The following ST6GALNAC5 variants were observed in gnomAD, a reference collection of about 807,000 sequenced individuals.
The protein encoded by ST6GALNAC5 is alpha-N-acetylgalactosaminide alpha-2,6-sialyltransferase 5.
A neutral mutation model predicts 33.6 loss-of-function variants in ST6GALNAC5; 27 were observed. That is an observed-to-expected ratio of 0.80 (90% CI 0.59 to 1.11). ST6GALNAC5 has a LOEUF of 1.11. ST6GALNAC5 is among the 50% of genes least tolerant of loss of function. ST6GALNAC5 has a pLI of 0.00. For synonymous variants in ST6GALNAC5, 194 were observed against 171.2 expected (o/e 1.13, Z -1.04); for missense variants, 428 against 454.0 (o/e 0.94, Z 0.52).
At chr1:76,991,832 C>CGT (rs1246724117) in intron 2 of ST6GALNAC5, among the ~76,000 whole-genome samples, 3 of 124,240 alleles carry the variant, frequency 2.4e-5, no homozygotes, top group South Asian at 2.6e-4. Flanking sequence ...CTAACTCACG[C>CGT]GTGTGCGCAC....
At chr1:76,881,159 T>C (rs1653769413) in intron 2 of ST6GALNAC5, among the ~76,000 whole-genome samples, 1 of 152,150 alleles carries the variant, frequency 6.6e-6, no homozygotes, top group Admixed American at 6.5e-5. Flanking sequence ...ATCCCAGAAC[T>C]TGATCCAACG....
chr1:76,972,225 C>A lies in ST6GALNAC5; in HGVS notation c.262-71979C>A, dbSNP rs1043926264. ...CAAGAAGAGAGCGTGTGCAGGGGAA[C>A]TCCCCTTTAAAACCATCAGCTCTTG... On this transcript the variant is annotated intron_variant, in intron 2 of 4. Coordinates refer to ENST00000477717, the MANE Select transcript of ST6GALNAC5 (RefSeq NM_030965.3). Among the ~76,000 whole-genome samples, 6 of 152,242 alleles carry A rather than the reference C, an allele frequency of 3.9e-5. No homozygotes were observed. In the East Asian group the frequency reaches 9.7e-4, roughly 25 times the overall value.
At chr1:76,948,330 C>T (rs1647603694) in intron 2 of ST6GALNAC5, among the ~76,000 whole-genome samples, 1 of 152,120 alleles carries the variant, frequency 6.6e-6, no homozygotes. Flanking sequence ...GGGAGACCTT[C>T]TAGCTCCCTT....
chr1:77,012,152 AG>A (rs1316705066), intron 2 of ST6GALNAC5, among the ~76,000 whole-genome samples: 1 of 152,226 alleles, frequency 6.6e-6, no homozygotes, highest in Non-Finnish European at 1.5e-5. Flanking sequence ...TTGCATCACT[AG>A]GAAACAGAGA....
At position 77,038,445 on chromosome 1, in the gene ST6GALNAC5, G is replaced by A. The variant is rs1651728788; in HGVS notation, c.262-5759G>A. On this transcript the variant is annotated intron_variant, in intron 2 of 4. Coordinates refer to ENST00000477717, the MANE Select transcript of ST6GALNAC5 (RefSeq NM_030965.3). ...CCTGAAGCCATTTAATATGTCTTAT[G>A]TTTGCTCCAGACTAACAGGCAGCTC... is the stretch of plus-strand genomic sequence containing the variant. Among the ~76,000 whole-genome samples, 3 of 152,210 alleles carry A rather than the reference G, an allele frequency of 2.0e-5. No homozygotes were observed. The South Asian group carries it at 6.2e-4, about 31-fold the overall frequency.
At chr1:76,882,801 C>G (rs552291742) in intron 2 of ST6GALNAC5, among the ~76,000 whole-genome samples, 67 of 152,072 alleles carry the variant, frequency 4.4e-4, no homozygotes, top group Non-Finnish European at 9.0e-4. Context: ...TTCCCATTGC[C>G]TACAGGATCA....
chr1:76,931,639 A>C (rs1274359722), intron 2 of ST6GALNAC5, among the ~76,000 whole-genome samples: 1 of 152,166 alleles, frequency 6.6e-6, no homozygotes, highest in Non-Finnish European at 1.5e-5. Flanking sequence ...TTAGGTTGGC[A>C]GACAATGATT....
chr1:76,992,503 T>TTTA (rs1649777230), intron 2 of ST6GALNAC5, among the ~76,000 whole-genome samples: 3 of 67,270 alleles, frequency 4.5e-5, no homozygotes, highest in Admixed American at 1.3e-4. Context: ...AATTTAATTT[T>TTTA]ATTTTATTTG....
intron 2 of ST6GALNAC5, among the ~76,000 whole-genome samples, chr1:77,017,883 G>A (rs906250413): frequency 6.6e-6 from 1 of 152,146 alleles, no homozygotes; most frequent in South Asian, 2.1e-4. Flanking sequence ...AACACTACAC[G>A]TGGGATGAGA....
intron 2 of ST6GALNAC5, among the ~76,000 whole-genome samples, chr1:76,943,695 G>A (rs1309910161): frequency 6.6e-6 from 1 of 152,042 alleles, no homozygotes; most frequent in Non-Finnish European, 1.5e-5. Flanking sequence ...TAGGAATGAA[G>A]CTATCTAATT....
At chr1:76,976,116 A>G (rs773594146) in intron 2 of ST6GALNAC5, among the ~76,000 whole-genome samples, 11 of 152,124 alleles carry the variant, frequency 7.2e-5, no homozygotes, top group Non-Finnish European at 1.5e-4. Context: ...AATTAAAATA[A>G]AAAAATTAAA....
At chr1:76,960,153 C>T (rs1477603744) in intron 2 of ST6GALNAC5, among the ~76,000 whole-genome samples, 2 of 152,072 alleles carry the variant, frequency 1.3e-5, no homozygotes, top group African/African-American at 4.8e-5. Context: ...CGATATTTCA[C>T]GTAGTTTCTT....
intron 2 of ST6GALNAC5, among the ~76,000 whole-genome samples, chr1:77,041,770 T>C (rs935902336): frequency 6.6e-5 from 10 of 152,228 alleles, no homozygotes; most frequent in African/African-American, 2.4e-4. Flanking sequence ...CTTAATGTTC[T>C]AGTTAGATGA....
intron 2 of ST6GALNAC5, among the ~76,000 whole-genome samples, chr1:76,897,878 A>G (rs12728695): frequency 0.42 from 64,630 of 152,078 alleles, 14,010 homozygotes; most frequent in Non-Finnish European, 0.46. Context: ...TTATAGAGGC[A>G]AGGGAAACAG....
In ST6GALNAC5 at chr1:76,867,527, C is replaced by G. The variant is rs1653366586; in HGVS notation, c.-149C>G. The G allele has an allele frequency of 3.3e-6, 4 of 1,195,410 alleles. No individual in the cohort carries two copies. Among genetic ancestry groups the G allele is most frequent in the South Asian group, 2.4e-5 (2 of 82,240 alleles). 74.1% of individuals were successfully genotyped at this position (1,195,410 alleles called of 1,614,324 possible). On this transcript the variant is annotated 5_prime_UTR_variant, in exon 1 of 5. Transcript: ENST00000477717. ...TCTGCAACAGCCGCGCTTCCCGGGT[C>G]CCGCGGCTCCCGCGCGCGATCTGCC...
Position 77,050,328 on chromosome 1 carries a change from A to G in ST6GALNAC5, c.742A>G (p.Ile248Val), listed in dbSNP as rs762130417. Residue 248 changes from isoleucine to valine, a missense_variant, in exon 4 of 5, where the codon ATC becomes GTC. Ile to Val is a conservative substitution (Grantham distance 29). Transcript: ENST00000477717. ...AATTGCACTGGAGCTCTGTGACAGG[A>G]TCAATGTTTATGGCATGGTGCCCCC... ...MTIALELCDRINVYGMVPPDF... is the reference protein window; with the variant it reads ...MTIALELCDRVNVYGMVPPDF... 6.2e-7 allele frequency: 1 copy of G among 1,614,108 alleles called. No individual in the cohort carries two copies. Among genetic ancestry groups the G allele is most frequent in the Non-Finnish European group, 8.5e-7 (1 of 1,179,948 alleles).
At chr1:76,942,161 C>G (rs976069179) in intron 2 of ST6GALNAC5, among the ~76,000 whole-genome samples, 1 of 152,148 alleles carries the variant, frequency 6.6e-6, no homozygotes, top group Non-Finnish European at 1.5e-5. Context: ...TTTATTCCCT[C>G]TTCTCATGTA....
At chr1:77,030,513 G>A (rs1198147913) in intron 2 of ST6GALNAC5, among the ~76,000 whole-genome samples, 3 of 152,084 alleles carry the variant, frequency 2.0e-5, no homozygotes, top group African/African-American at 4.8e-5. Flanking sequence ...TATTGTCGTC[G>A]TCAATAGAAA....
intron 2 of ST6GALNAC5, among the ~76,000 whole-genome samples, chr1:76,993,972 AG>A (rs1649832646): frequency 6.6e-6 from 1 of 152,236 alleles, no homozygotes; most frequent in South Asian, 2.1e-4. Context: ...CTAATATTAG[AG>A]GGGATTTCTT....
Sources: gnomAD v4.1 joint callset for allele counts (sites outside exome capture counted in the v4.1 genomes callset) on GRCh38, gnomAD v4.1.1 for gene constraint, MANE v1.5 for transcripts, NCBI Gene and HGNC (gene_info 2026-07-23, HGNC 2026-07-21) for gene names.